PCDHGB4: variants seen among roughly 807,000 people sequenced by gnomAD.
PCDHGB4 encodes the protein protocadherin gamma subfamily B, 4.
Under a neutral mutation model 60.5 loss-of-function variants are expected in PCDHGB4, and 38 were observed. That is an observed-to-expected ratio of 0.63 (90% CI 0.48 to 0.82). The LOEUF is 0.82. Ranked by LOEUF, PCDHGB4 falls within the 40% of genes least tolerant of loss-of-function variation. PCDHGB4 has a pLI of 0.00. For synonymous variants in PCDHGB4, 456 were observed against 509.7 expected, an observed-to-expected ratio of 0.89 and a Z score of 1.42; for missense variants, 1,109 against 1,209.6, an observed-to-expected ratio of 0.92 and a Z score of 1.23.
chr5:141,505,513 G>A lies in PCDHGB4; in HGVS notation c.2545+32G>A, dbSNP rs1157816684. ...GGTGTCAGTGTGTGTATGGAAGAGT[G>A]GGAGACCTGGGGTTCTGGGGTGCAT... On this transcript the variant is annotated intron_variant, in intron 3 of 3. Coordinates refer to ENST00000519479, the MANE Select transcript of PCDHGB4 (RefSeq NM_003736.4). The A allele has an allele frequency of 3.1e-6, 5 of 1,613,710 alleles. No homozygotes were observed. In the South Asian group the frequency reaches 3.3e-5, roughly 11 times the overall value.
At position 141,489,760 on chromosome 5, in the gene PCDHGB4, C is replaced by A; in HGVS notation, c.2398-5047C>A. 1 of 1,614,086 alleles carries A rather than the reference C, an allele frequency of 6.2e-7. No individual in the cohort carries two copies. Among genetic ancestry groups the A allele is most frequent in the Non-Finnish European group, 8.5e-7 (1 of 1,179,970 alleles). On this transcript the variant is annotated intron_variant, in intron 1 of 3. Coordinates refer to ENST00000519479, the MANE Select transcript of PCDHGB4 (RefSeq NM_003736.4). This position sits in a 1 kb window ranked among gnomAD's most constrained non-coding sequence, Gnocchi z 4.5. ...TACTGTGAGCTTTTACACTCTAAGC[C>A]CCAACAGCCACTTCTCTCTGAATGT...
intron 1 of PCDHGB4, among the ~76,000 whole-genome samples, chr5:141,460,951 G>GTATATA (rs200454978): frequency 7.2e-6 from 1 of 139,722 alleles, no homozygotes; most frequent in African/African-American, 2.8e-5. Flanking sequence ...TATGTATTAT[G>GTATATA]TATATATATA....
chr5:141,413,967 G>C, intron 1 of PCDHGB4: 15 of 1,613,428 alleles, frequency 9.3e-6, no homozygotes, highest in Non-Finnish European at 1.2e-5. Context: ...TGGGCACTCA[G>C]CTGCTGACAG....
chr5:141,419,216 G>C, intron 1 of PCDHGB4: 3 of 1,613,886 alleles, frequency 1.9e-6, no homozygotes, highest in Admixed American at 1.7e-5. Flanking sequence ...GCCGGTTTTC[G>C]GACAGTCAGC....
At chr5:141,414,225 G>A in intron 1 of PCDHGB4, 1 of 1,613,398 alleles carries the variant, frequency 6.2e-7, no homozygotes, top group Non-Finnish European at 8.5e-7. Context: ...ACAGTCCAGA[G>A]CTGACCATCA....
chr5:141,407,505 T>TTTTTTTTTTTTTTTTTTTTTTTTTTTTTG (rs1460306566), intron 1 of PCDHGB4, among the ~76,000 whole-genome samples: 2 of 152,144 alleles, frequency 1.3e-5, no homozygotes, highest in Non-Finnish European at 1.5e-5. Context: ...CTGTTTTTCT[T>TTTTTTTTTTTTTTTTTTTTTTTTTTTTTG]AGGCTATGTA....
At chr5:141,464,056 G>C (rs2154568334) in intron 1 of PCDHGB4, among the ~76,000 whole-genome samples, 1 of 152,210 alleles carries the variant, frequency 6.6e-6, no homozygotes, top group East Asian at 1.9e-4. Context: ...CCTGAGGTCA[G>C]GAGTTCAAGG....
At chr5:141,419,471 G>A in intron 1 of PCDHGB4, 1 of 1,612,462 alleles carries the variant, frequency 6.2e-7, no homozygotes, top group Non-Finnish European at 8.5e-7. Context: ...CCGCGACCAG[G>A]GCTCGCCCGC....
At chr5:141,423,666 A>G in intron 1 of PCDHGB4, 1 of 1,494,380 alleles carries the variant, frequency 6.7e-7, no homozygotes, top group Non-Finnish European at 8.9e-7. Context: ...ATCAGGTGAG[A>G]TTTATTTCTC....
intron 1 of PCDHGB4, among the ~76,000 whole-genome samples, chr5:141,457,440 A>G (rs188608086): frequency 3.9e-5 from 6 of 152,334 alleles, no homozygotes; most frequent in Non-Finnish European, 8.8e-5. Flanking sequence ...ACCAAGCTGC[A>G]GAAGATCACC....
Position 141,388,261 on chromosome 5 carries a change from T to C in PCDHGB4, c.377T>C (p.Ile126Thr). ...FYHVNVEIED[I>T]NDHTPKFTQN... ...CACGTGAATGTGGAGATCGAGGACA[T>C]TAATGACCACACGCCAAAATTCACG... The change falls in exon 1 of 4, where the codon ATT (isoleucine) becomes ACT (threonine). Residue 126 changes from isoleucine to threonine, a missense_variant. This residue lies in a region of PCDHGB4 where 1,068 missense variants were observed against 1,089.9 expected (regional missense o/e 0.98). Coordinates refer to ENST00000519479, the MANE Select transcript of PCDHGB4 (RefSeq NM_003736.4). 1 of 1,611,348 alleles carries C rather than the reference T, an allele frequency of 6.2e-7. No individual in the cohort carries two copies.
Position 141,477,872 on chromosome 5 carries a change from G to A in PCDHGB4, c.2398-16935G>A. The stretch of plus-strand genomic sequence containing the variant: ...GGAGATGCTGCCTCGAGGTACCTCA[G>A]CTGGCCACCTAGTGTCACGGGTGGT... On this transcript the variant is annotated intron_variant, in intron 1 of 3. Coordinates refer to ENST00000519479, the MANE Select transcript of PCDHGB4 (RefSeq NM_003736.4). This position sits in a 1 kb window ranked among gnomAD's most constrained non-coding sequence, Gnocchi z 4.9. The A allele has an allele frequency of 6.2e-7, 1 of 1,614,180 alleles. No individual in the cohort carries two copies. Among genetic ancestry groups the A allele is most frequent in the African/African-American group, 1.3e-5 (1 of 75,058 alleles).
At chr5:141,467,393 T>C (rs1409255781) in intron 1 of PCDHGB4, among the ~76,000 whole-genome samples, 3 of 152,124 alleles carry the variant, frequency 2.0e-5, no homozygotes, top group African/African-American at 7.2e-5. Flanking sequence ...TTTTAAGTCA[T>C]AGTTAGAAAG....
intron 1 of PCDHGB4, chr5:141,423,184 C>T (rs747938944): frequency 9.3e-6 from 15 of 1,613,442 alleles, no homozygotes; most frequent in Non-Finnish European, 1.2e-5. Context: ...CCACGGCCAG[C>T]CCCCTCTCTC....
At chr5:141,421,296 G>C in intron 1 of PCDHGB4, 1 of 1,613,444 alleles carries the variant, frequency 6.2e-7, no homozygotes, top group Non-Finnish European at 8.5e-7. Context: ...TCCTGGGGAC[G>C]CTGCGGGGGT....
In PCDHGB4 at chr5:141,388,545, C is replaced by T. The variant is rs1293366202; in HGVS notation, c.661C>T (p.Pro221Ser). 1 of 1,613,680 alleles carries T rather than the reference C, an allele frequency of 6.2e-7. No individual in the cohort carries two copies. The highest frequency in any genetic ancestry group is 8.5e-7 in the Non-Finnish European group (1 of 1,179,874). ...TLTALDFGAP[P>S]LSSTAQIHVL... ...GACTGCCTTGGACTTTGGAGCTCCA[C>T]CCCTAAGCAGCACTGCACAGATACA... Residue 221 changes from proline to serine, a missense_variant, in exon 1 of 4, where the codon CCC (proline) becomes TCC (serine). This residue lies in a region of PCDHGB4 where 1,068 missense variants were observed against 1,089.9 expected (regional missense o/e 0.98). Transcript: ENST00000519479.
intron 1 of PCDHGB4, among the ~76,000 whole-genome samples, chr5:141,445,007 G>T (rs771023003): frequency 1.3e-5 from 2 of 151,994 alleles, no homozygotes; most frequent in African/African-American, 4.8e-5. Flanking sequence ...ATTTAATTAG[G>T]TCTTTAATTT....
At chr5:141,400,400 C>A (rs375490385) in intron 1 of PCDHGB4, 2 of 1,614,000 alleles carry the variant, frequency 1.2e-6, no homozygotes, top group Admixed American at 3.3e-5. Flanking sequence ...ACAGGAAAGA[C>A]GGAGTTTAAT....
chr5:141,434,010 T>C (rs772136259), intron 1 of PCDHGB4, among the ~76,000 whole-genome samples: 26 of 152,224 alleles, frequency 1.7e-4, no homozygotes, highest in Non-Finnish European at 3.1e-4. Flanking sequence ...TATATGTTTG[T>C]TTCTATGATT....
Sources: gnomAD v4.1 joint callset for allele counts (sites outside exome capture counted in the v4.1 genomes callset) on GRCh38, gnomAD v4.1.1 for gene constraint, gnomAD v4.1.1 regional missense constraint, Gnocchi (gnomAD v3.1) non-coding constraint, MANE v1.5 for transcripts, NCBI Gene and HGNC (gene_info 2026-07-23, HGNC 2026-07-21) for gene names.